TMEM168: variants seen among roughly 807,000 people sequenced by gnomAD.
TMEM168 encodes the protein transmembrane protein 168.
TMEM168 carries 40 observed loss-of-function variants against 53.2 expected under a neutral mutation model. The ratio of observed to expected loss-of-function variants is 0.75; its 90% CI spans 0.58 to 0.98. The LOEUF (loss-of-function observed/expected upper bound fraction) is 0.98, where lower values mean the gene tolerates loss of function less well. TMEM168 is among the 50% of genes least tolerant of loss of function. The pLI is 0.00. For missense variants in TMEM168, 771 were observed against 828.8 expected (o/e 0.93, Z 0.86); for synonymous variants, 282 against 293.0 (o/e 0.96, Z 0.38).
At chr7:112,775,012 CTG>C in intron 3 of TMEM168, among the ~76,000 whole-genome samples, 162 bp downstream of exon 3, 1 of 152,158 alleles carries the variant, frequency 6.6e-6, no homozygotes, top group Non-Finnish European at 1.5e-5. Flanking sequence ...CAATTTAACT[CTG>C]AAGATATTAT....
Position 112,784,745 on chromosome 7 carries a change from C to A in TMEM168, c.81G>T (p.Val27=), listed in dbSNP as rs775620194. 6.2e-7 allele frequency: 1 copy of A among 1,612,580 alleles called. No homozygotes were observed. The highest frequency in any genetic ancestry group is 8.5e-7 in the Non-Finnish European group (1 of 1,179,686). The change falls in exon 2 of 5, where the codon GTG becomes GTT. Residue 27 remains valine (V), a synonymous_variant. Transcript: ENST00000312814. The part of the protein sequence containing the change: ...MTRLEEVNRE[V]NMHSSVRYLG... ...GATACCGCACTGAAGAATGCATGTTCACTTCTCTATTTACTTCTTCCAGTC... is the reference window on the plus strand; with the variant it reads ...GATACCGCACTGAAGAATGCATGTTAACTTCTCTATTTACTTCTTCCAGTC...
rs201768776 is a variant in TMEM168 at position 112,784,024 on chromosome 7, C to T, written c.802G>A (p.Val268Ile). Residue 268 changes from valine (V) to isoleucine (I), a missense_variant, in exon 2 of 5, where the codon GTT becomes ATT. By Grantham distance (29) the Val-to-Ile change is conservative. Coordinates refer to ENST00000312814, the MANE Select transcript of TMEM168 (RefSeq NM_022484.6). The stretch of plus-strand genomic sequence containing the variant: ...GTAAGCTCAATCATTCCAGCAAAAA[C>T]GACTGAAAGTCTTCTGCAAATTCTT... ...RGRICRRLSV[V>I]FAGMIELTFF... is the part of the protein sequence containing the mutation. 173 of 1,613,082 alleles carry T rather than the reference C, an allele frequency of 1.1e-4. No individual in the cohort carries two copies. Among genetic ancestry groups the T allele is most frequent in the East Asian group, 4.9e-4 (22 of 44,844 alleles).
chr7:112,778,152 G>T (rs1247144312), intron 2 of TMEM168: 1 of 152,212 alleles, frequency 6.6e-6, no homozygotes. Context: ...GCAAGTTCAT[G>T]AGAGGGCTAT....
chr7:112,767,698 TTC>T lies in TMEM168; in HGVS notation c.1591_1592del (p.Glu531LysfsTer29). On this transcript the variant is annotated frameshift_variant, in exon 5 of 5. Transcript: ENST00000312814. LOFTEE classifies it high-confidence loss of function. ...GCCGGGAACAAAAGGAACCATTCTTTTCTCTCCACCATTCTATAAGTGTGTCA... is the reference window on the plus strand; with the variant it reads ...GCCGGGAACAAAAGGAACCATTCTTTTCTCCACCATTCTATAAGTGTGTCA... ...RLDTLIEWWR[E>X]KNGSFCSRLI... 1 of 1,613,930 alleles carries T rather than the reference TTC, an allele frequency of 6.2e-7. No individual in the cohort carries two copies. Among genetic ancestry groups the T allele is most frequent in the Non-Finnish European group, 8.5e-7 (1 of 1,179,980 alleles).
In TMEM168 at chr7:112,767,281, A is replaced by C. The variant is rs1792805816; in HGVS notation, c.2010T>G (p.Phe670Leu). ...TCATTTTTAATCTTTTCAAGCACCT[A>C]AAACAAGTTTTGCAGATCCAAAAAA... ...LNLFWICKTCFRCLKRLKMSW... is the reference protein window; with the variant it reads ...LNLFWICKTCLRCLKRLKMSW... The change falls in exon 5 of 5, where the codon TTT (phenylalanine) becomes TTG (leucine). Residue 670 changes from phenylalanine to leucine, a missense_variant. Transcript: ENST00000312814. 1.2e-6 allele frequency: 2 copies of C among 1,614,164 alleles called. No individual in the cohort carries two copies. Among genetic ancestry groups the C allele is most frequent in the South Asian group, 2.2e-5 (2 of 91,086 alleles).
intron 2 of TMEM168, among the ~76,000 whole-genome samples, chr7:112,782,816 T>C (rs1793266946): frequency 6.6e-6 from 1 of 152,218 alleles, no homozygotes; most frequent in Admixed American, 6.5e-5. Context: ...TACAGAGAGC[T>C]GCACCAAGCA....
chr7:112,767,208 C>T lies in TMEM168; in HGVS notation c.2083G>A (p.Val695Ile), dbSNP rs376688486. The change falls in exon 5 of 5, where the codon GTC (valine) becomes ATC (isoleucine). Residue 695 changes from valine to isoleucine, a missense_variant. Physicochemically the swap from Val to Ile is conservative, Grantham distance 29. Coordinates refer to ENST00000312814, the MANE Select transcript of TMEM168 (RefSeq NM_022484.6). ...VLDTGQGFKL[V>I]KS The stretch of plus-strand genomic sequence containing the variant: ...CTTTGGGGTCCAAATTAAGATTTGA[C>T]AAGTTTGAAGCCTTGTCCTGTGTCC... 1 of 1,608,192 alleles carries T rather than the reference C, an allele frequency of 6.2e-7. No individual in the cohort carries two copies. Among genetic ancestry groups the T allele is most frequent in the Non-Finnish European group, 8.5e-7 (1 of 1,177,436 alleles).
At position 112,775,156 on chromosome 7, in the gene TMEM168, A is replaced by T. The variant is rs1376091896; in HGVS notation, c.1271+20T>A. 1 of 1,574,440 alleles carries T rather than the reference A, an allele frequency of 6.4e-7. No individual in the cohort carries two copies. Among genetic ancestry groups the T allele is most frequent in the African/African-American group, 1.4e-5 (1 of 73,484 alleles). On this transcript the variant is annotated intron_variant, in intron 3 of 4. Coordinates refer to ENST00000312814, the MANE Select transcript of TMEM168 (RefSeq NM_022484.6). Reference sequence around the variant, plus strand: ...GTTATGAAGTGAATAGTTATCACTAACTATACTAGATTACTGTACCTGCAG... The same window carrying T: ...GTTATGAAGTGAATAGTTATCACTATCTATACTAGATTACTGTACCTGCAG...
chr7:112,781,679 TG>T (rs1371939491), intron 2 of TMEM168, among the ~76,000 whole-genome samples: 1 of 151,770 alleles, frequency 6.6e-6, no homozygotes, highest in Admixed American at 6.6e-5. Context: ...CAAATGGTGC[TG>T]GGAACAATGA....
intron 4 of TMEM168, among the ~76,000 whole-genome samples, chr7:112,769,429 GAACT>G (rs1202617035): frequency 6.6e-6 from 1 of 152,060 alleles, no homozygotes; most frequent in Non-Finnish European, 1.5e-5. Flanking sequence ...CAGATTACAA[GAACT>G]ATTATGTAAA....
At chr7:112,778,583 T>C (rs918282733) in intron 2 of TMEM168, 1 of 152,230 alleles carries the variant, frequency 6.6e-6, no homozygotes, top group African/African-American at 2.4e-5. Flanking sequence ...CAATCTTCAG[T>C]ATGTTTTTAC....
Position 112,767,129 on chromosome 7 carries a change from C to T in TMEM168, c.*68G>A. On this transcript the variant is annotated 3_prime_UTR_variant, in exon 5 of 5. Coordinates refer to ENST00000312814, the MANE Select transcript of TMEM168 (RefSeq NM_022484.6). ...TTTCCACAAATAAAAATACAGCATA[C>T]AAAAAATGGCAAGTTAGTGATAATT... The T allele has an allele frequency of 6.8e-7, 1 of 1,468,780 alleles. No individual in the cohort carries two copies. Among genetic ancestry groups the T allele is most frequent in the Non-Finnish European group, 9.2e-7 (1 of 1,091,680 alleles). The allele number at this position is 1,468,780 out of a possible 1,614,324, so 91.0% of individuals were successfully genotyped here. A position where few individuals can be genotyped will look rare whatever the true frequency, so the allele number is the denominator to read the frequency against.
intron 1 of TMEM168, among the ~76,000 whole-genome samples, chr7:112,786,982 G>A (rs997765438): frequency 6.6e-6 from 1 of 152,162 alleles, no homozygotes; most frequent in African/African-American, 2.4e-5. Context: ...AAAGAAGGCA[G>A]TTGCTTCTCT....
intron 1 of TMEM168, among the ~76,000 whole-genome samples, chr7:112,785,877 G>A (rs983906548): frequency 1.3e-5 from 2 of 152,062 alleles, no homozygotes; most frequent in Non-Finnish European, 2.9e-5. Flanking sequence ...AATGGTTCAC[G>A]GTAATGCTAT....
At chr7:112,769,253 C>T (rs929644727) in intron 4 of TMEM168, among the ~76,000 whole-genome samples, 2 of 152,164 alleles carry the variant, frequency 1.3e-5, no homozygotes, top group Non-Finnish European at 2.9e-5. Context: ...CGCTCTAACA[C>T]TCACACATAT....
In TMEM168 at chr7:112,765,041, C is replaced by T. The variant is rs1792740923; in HGVS notation, c.*2156G>A. On this transcript the variant is annotated 3_prime_UTR_variant, in exon 5 of 5. Transcript: ENST00000312814. Reference sequence around the variant, plus strand: ...ATGTTGGCCAGGCTGGTCTCAAACTCCTGGCCTCAAGTGATCCACCCACCT... The same window carrying T: ...ATGTTGGCCAGGCTGGTCTCAAACTTCTGGCCTCAAGTGATCCACCCACCT... 2 of 152,182 alleles carry T rather than the reference C, an allele frequency of 1.3e-5. No homozygotes were observed. Among genetic ancestry groups the T allele is most frequent in the African/African-American group, 4.8e-5 (2 of 41,410 alleles). 9.4% of individuals were successfully genotyped at this position (152,182 alleles called of 1,614,324 possible). A position where few individuals can be genotyped will look rare whatever the true frequency, so the allele number is the denominator to read the frequency against.
chr7:112,777,886 C>CTGTGTGTG (rs71155068), intron 2 of TMEM168, among the ~76,000 whole-genome samples: 61 of 126,138 alleles, frequency 4.8e-4, no homozygotes, highest in East Asian at 4.0e-3. Context: ...GCTCTTGGTG[C>CTGTGTGTG]TGTGTGTGTG....
At position 112,775,168 on chromosome 7, in the gene TMEM168, T is replaced by C. The variant is rs367760337; in HGVS notation, c.1271+8A>G. 6.2e-7 allele frequency: 1 copy of C among 1,601,752 alleles called. No homozygotes were observed. Among genetic ancestry groups the C allele is most frequent in the African/African-American group, 1.3e-5 (1 of 74,568 alleles). ...ATAGTTATCACTAACTATACTAGATTACTGTACCTGCAGAAGTTGGTGGGA... is the reference window on the plus strand; with the variant it reads ...ATAGTTATCACTAACTATACTAGATCACTGTACCTGCAGAAGTTGGTGGGA... On this transcript the variant is annotated splice_region_variant and intron_variant, in intron 3 of 4. Transcript: ENST00000312814.
At chr7:112,781,644 A>G (rs1245578169) in intron 2 of TMEM168, among the ~76,000 whole-genome samples, 1 of 152,154 alleles carries the variant, frequency 6.6e-6, no homozygotes, top group Non-Finnish European at 1.5e-5. Context: ...AGGCAATTCA[A>G]TAGGCGAAAT....
Sources: gnomAD v4.1 joint callset for allele counts (sites outside exome capture counted in the v4.1 genomes callset) on GRCh38, gnomAD v4.1.1 for gene constraint, MANE v1.5 for transcripts, NCBI Gene and HGNC (gene_info 2026-07-23, HGNC 2026-07-21) for gene names.